Variants in FAM177A1 observed in about 807,000 individuals in gnomAD.
FAM177A1 encodes the protein protein FAM177A1.
In FAM177A1, 22 loss-of-function variants were observed where a neutral mutation model predicts 26.1. That is an observed-to-expected ratio of 0.84 (90% CI 0.60 to 1.20). The LOEUF is 1.20. FAM177A1 is among the 50% of genes most tolerant of loss of function. The probability of loss-of-function intolerance (pLI) is 0.00; values close to 1 mark genes in which losing one functional copy is unlikely to be tolerated. For synonymous variants in FAM177A1, 95 were observed against 99.3 expected, an observed-to-expected ratio of 0.96 and a Z score of 0.26; for missense variants, 296 against 291.1, an observed-to-expected ratio of 1.02 and a Z score of -0.12.
At chr14:35,076,034 C>T (rs1305686546) in intron 2 of FAM177A1, among the ~76,000 whole-genome samples, 15 of 152,138 alleles carry the variant, frequency 9.9e-5, no homozygotes, top group Admixed American at 7.9e-4. Context: ...GACAGTGTGG[C>T]GATTCCTCAA....
intron 2 of FAM177A1, among the ~76,000 whole-genome samples, chr14:35,055,947 T>C (rs1289031965): frequency 2.0e-5 from 3 of 152,020 alleles, no homozygotes. Flanking sequence ...TTGATTTACA[T>C]TCCCTTGATG....
intron 2 of FAM177A1, among the ~76,000 whole-genome samples, chr14:35,054,033 C>T (rs1432038197): frequency 6.6e-6 from 1 of 152,076 alleles, no homozygotes; most frequent in Non-Finnish European, 1.5e-5. Flanking sequence ...GCTTGAATCC[C>T]AGTTCCTTTG....
chr14:35,046,952 C>T (rs2044877627), intron 1 of FAM177A1: 2 of 1,121,730 alleles, frequency 1.8e-6, no homozygotes, highest in South Asian at 3.0e-5. Flanking sequence ...AGCTGGAAGC[C>T]AGGTGAGGGC....
intron 2 of FAM177A1, among the ~76,000 whole-genome samples, chr14:35,059,737 C>T (rs1043764520): frequency 6.6e-5 from 10 of 152,036 alleles, no homozygotes; most frequent in Middle Eastern, 3.4e-3. Flanking sequence ...TTAGTAGAGA[C>T]GGGGTTTCAC....
At chr14:35,046,679 C>T (rs1318647016) in intron 1 of FAM177A1, 51 bp downstream of exon 1, 4 of 1,493,358 alleles carry the variant, frequency 2.7e-6, no homozygotes, top group Non-Finnish European at 3.6e-6. Context: ...CGCCTCCTTG[C>T]CTTCTCCGCG....
chr14:35,064,055 A>G (rs1332468213), intron 2 of FAM177A1, among the ~76,000 whole-genome samples: 1 of 151,110 alleles, frequency 6.6e-6, no homozygotes, highest in Admixed American at 6.6e-5. Context: ...CTCAAAAAAA[A>G]AAAAAAAAAA....
rs186387511 is a variant in FAM177A1 at position 35,056,332 on chromosome 14, G to A, written c.339+2881G>A. Among the ~76,000 whole-genome samples, 435 of 151,900 alleles carry A rather than the reference G, an allele frequency of 2.9e-3. 1 individual carries two copies. The highest frequency in any genetic ancestry group is 5.0e-3 in the Non-Finnish European group (337 of 67,950). On this transcript the variant is annotated intron_variant, in intron 2 of 4. Transcript: ENST00000280987. ...TTACAGGCGTGAGCCACTGCGCCCA[G>A]GCAACTATTTTTTATTTTTTATTTT...
chr14:35,073,916 A>C (rs1033443016), intron 2 of FAM177A1, among the ~76,000 whole-genome samples: 25 of 152,152 alleles, frequency 1.6e-4, no homozygotes, highest in Non-Finnish European at 2.5e-4. Context: ...GTTCTGATAG[A>C]TATCCTTTCT....
At chr14:35,070,764 G>A (rs1445430810) in intron 2 of FAM177A1, among the ~76,000 whole-genome samples, 1 of 151,902 alleles carries the variant, frequency 6.6e-6, no homozygotes, top group Non-Finnish European at 1.5e-5. Flanking sequence ...CCACCTTTAG[G>A]AATTTAAGCA....
intron 1 of FAM177A1, among the ~76,000 whole-genome samples, chr14:35,047,782 CAAA>C (rs902316921): frequency 9.5e-4 from 56 of 58,992 alleles, no homozygotes; most frequent in African/African-American, 2.2e-3. Flanking sequence ...ACAACAACAA[CAAA>C]AAAAAAACCC....
intron 2 of FAM177A1, among the ~76,000 whole-genome samples, chr14:35,062,873 AT>A (rs1163273779): frequency 6.9e-6 from 1 of 145,430 alleles, no homozygotes; most frequent in Admixed American, 6.9e-5. Flanking sequence ...AAGAAATTTT[AT>A]TTGCGGTTTT....
At chr14:35,066,173 CT>C (rs1280994333) in intron 2 of FAM177A1, among the ~76,000 whole-genome samples, 1 of 151,856 alleles carries the variant, frequency 6.6e-6, no homozygotes, top group African/African-American at 2.4e-5. Context: ...CTCAAACGAT[CT>C]TTCCACCTCA....
intron 2 of FAM177A1, among the ~76,000 whole-genome samples, chr14:35,058,457 T>C (rs2045097017): frequency 6.6e-6 from 1 of 152,232 alleles, no homozygotes; most frequent in Non-Finnish European, 1.5e-5. Flanking sequence ...TTGTTTAATG[T>C]ACTTTGGTGC....
At chr14:35,065,540 A>C (rs2045229033) in intron 2 of FAM177A1, among the ~76,000 whole-genome samples, 1 of 151,832 alleles carries the variant, frequency 6.6e-6, no homozygotes, top group Non-Finnish European at 1.5e-5. Flanking sequence ...TACTTTTTGA[A>C]TCCTTTTATA....
intron 4 of FAM177A1, among the ~76,000 whole-genome samples, chr14:35,079,702 A>C (rs2045450274): frequency 6.6e-6 from 1 of 152,168 alleles, no homozygotes; most frequent in South Asian, 2.1e-4. Flanking sequence ...TACAGATTAA[A>C]TACATTAATA....
At chr14:35,073,052 T>G (rs2045346685) in intron 2 of FAM177A1, among the ~76,000 whole-genome samples, 1 of 151,578 alleles carries the variant, frequency 6.6e-6, no homozygotes, top group Non-Finnish European at 1.5e-5. Flanking sequence ...ATGTTTTCTT[T>G]ATCAGGGTTC....
chr14:35,051,612 C>CA (rs1343151109), intron 1 of FAM177A1, among the ~76,000 whole-genome samples: 1 of 152,110 alleles, frequency 6.6e-6, no homozygotes, highest in Non-Finnish European at 1.5e-5. Context: ...GGGGTTTTGC[C>CA]ATGTTGGCCA....
intron 2 of FAM177A1, among the ~76,000 whole-genome samples, chr14:35,071,194 T>C (rs1383815088): frequency 1.3e-5 from 2 of 152,014 alleles, no homozygotes; most frequent in African/African-American, 4.8e-5. Flanking sequence ...AGACAGGGTT[T>C]CACCGTGTTA....
chr14:35,077,101 A>T lies in FAM177A1; in HGVS notation c.340-49A>T, dbSNP rs775854255. The T allele has an allele frequency of 2.7e-5, 39 of 1,443,798 alleles. 1 individual carries two copies. In the South Asian group the frequency reaches 4.2e-4, roughly 16 times the overall value. 89.4% of individuals were successfully genotyped at this position (1,443,798 alleles called of 1,614,324 possible). ...GACTACTTCATTCTGGCCTAAATAT[A>T]TGGAATGAATTTAGGTATGAATGTT... On this transcript the variant is annotated intron_variant, in intron 2 of 4. Coordinates refer to ENST00000280987, the MANE Select transcript of FAM177A1 (RefSeq NM_173607.5).
Sources: allele counts gnomAD v4.1 joint callset (sites outside exome capture counted in the v4.1 genomes callset), GRCh38; gene constraint gnomAD v4.1.1; transcripts MANE v1.5; gene names NCBI Gene and HGNC (gene_info 2026-07-23, HGNC 2026-07-21).